MICU1: variants seen among roughly 807,000 people sequenced by gnomAD.
The protein encoded by MICU1 is calcium uptake protein 1, mitochondrial.
Under a neutral mutation model 56.8 loss-of-function variants are expected in MICU1, and 45 were observed. The observed-to-expected ratio is 0.79, with a 90% confidence interval of 0.62 to 1.02. The LOEUF (loss-of-function observed/expected upper bound fraction) is 1.02, where lower values mean the gene tolerates loss of function less well. MICU1 is among the 50% of genes least tolerant of loss of function. MICU1 has a pLI of 0.00. For missense variants in MICU1, 504 were observed against 587.1 expected, an observed-to-expected ratio of 0.86 and a Z score of 1.46; for synonymous variants, 186 against 195.1, an observed-to-expected ratio of 0.95 and a Z score of 0.39.
chr10:72,546,042 G>A (rs1477116271), intron 4 of MICU1, among the ~76,000 whole-genome samples: 1 of 152,162 alleles, frequency 6.6e-6, no homozygotes, highest in Admixed American at 6.6e-5. Context: ...AACATGGCCT[G>A]AACCAGTTTC....
chr10:72,613,376 T>C (rs1277763147), intron 1 of MICU1, among the ~76,000 whole-genome samples: 2 of 151,340 alleles, frequency 1.3e-5, no homozygotes, highest in African/African-American at 2.4e-5. Context: ...TAGGTTTAAG[T>C]AGTCCTCCTG....
intron 10 of MICU1, among the ~76,000 whole-genome samples, chr10:72,401,175 T>C (rs977244660): frequency 6.6e-6 from 1 of 152,168 alleles, no homozygotes; most frequent in African/African-American, 2.4e-5. Context: ...ATAAAAGGCA[T>C]TGAGATGAGA....
intron 10 of MICU1, among the ~76,000 whole-genome samples, chr10:72,383,122 T>G (rs968839500): frequency 2.0e-5 from 3 of 151,984 alleles, no homozygotes; most frequent in Non-Finnish European, 2.9e-5. Flanking sequence ...GGTGCGCTCC[T>G]GCAGTCCTAG....
chr10:72,582,021 G>A (rs962430561), intron 1 of MICU1, among the ~76,000 whole-genome samples: 4 of 152,006 alleles, frequency 2.6e-5, no homozygotes, highest in African/African-American at 7.2e-5. Flanking sequence ...CCTCTGCCTC[G>A]CAGGTTCAAG....
chr10:72,405,191 G>A (rs867866058), intron 10 of MICU1, among the ~76,000 whole-genome samples: 1 of 152,066 alleles, frequency 6.6e-6, no homozygotes, highest in African/African-American at 2.4e-5. Flanking sequence ...TTACAGGCAT[G>A]AGCCACCATG....
intron 8 of MICU1, among the ~76,000 whole-genome samples, chr10:72,432,778 C>T (rs1244940067): frequency 6.6e-6 from 1 of 152,222 alleles, no homozygotes; most frequent in Non-Finnish European, 1.5e-5. Context: ...AACACCTCCA[C>T]TAGGCACAGC....
intron 8 of MICU1, among the ~76,000 whole-genome samples, chr10:72,471,851 T>C (rs1421491057): frequency 6.6e-6 from 1 of 152,140 alleles, no homozygotes. Flanking sequence ...TGAGGTCTAC[T>C]TCTTTCTTCT....
chr10:72,589,016 G>A (rs912731245), intron 1 of MICU1, among the ~76,000 whole-genome samples: 1 of 152,144 alleles, frequency 6.6e-6, no homozygotes, highest in East Asian at 1.9e-4. Flanking sequence ...GGCTGGGCAC[G>A]GTGACTCACG....
intron 8 of MICU1, among the ~76,000 whole-genome samples, chr10:72,440,920 G>A (rs1377120914): frequency 6.6e-6 from 1 of 152,134 alleles, no homozygotes; most frequent in Non-Finnish European, 1.5e-5. Context: ...GAGAGGATGT[G>A]GAGAAATAGG....
At chr10:72,517,369 G>A (rs1279570610) in intron 5 of MICU1, among the ~76,000 whole-genome samples, 1 of 152,142 alleles carries the variant, frequency 6.6e-6, no homozygotes, top group Non-Finnish European at 1.5e-5. Flanking sequence ...CGTGGAACCA[G>A]CCCAAATGCC....
rs575543863 is a variant in MICU1 at position 72,397,913 on chromosome 10, C to G, written c.1180+10016G>C. Among the ~76,000 whole-genome samples the G allele has an allele frequency of 9.2e-5, 14 of 152,330 alleles. No individual in the cohort carries two copies. In the East Asian group the frequency reaches 2.7e-3, roughly 29 times the overall value. Reference sequence around the variant, plus strand: ...AACAAGGATATCCAGGACCTGAACTCAGCTCTGCACCAAGTGGACCTAATA... The same window carrying G: ...AACAAGGATATCCAGGACCTGAACTGAGCTCTGCACCAAGTGGACCTAATA... On this transcript the variant is annotated intron_variant, in intron 10 of 11. Coordinates refer to ENST00000361114, the MANE Select transcript of MICU1 (RefSeq NM_001195518.2).
At chr10:72,461,711 A>G (rs1342194751) in intron 8 of MICU1, among the ~76,000 whole-genome samples, 1 of 152,208 alleles carries the variant, frequency 6.6e-6, no homozygotes, top group Non-Finnish European at 1.5e-5. Flanking sequence ...GCACTTTGGG[A>G]GGCCAAGGCA....
At chr10:72,475,979 C>T (rs1174142340) in intron 7 of MICU1, 1 of 439,470 alleles carries the variant, frequency 2.3e-6, no homozygotes, top group African/African-American at 2.0e-5. Flanking sequence ...ATAATCCCAG[C>T]ACTTTGGGAA....
chr10:72,510,181 T>A (rs1429560768), intron 5 of MICU1, among the ~76,000 whole-genome samples: 1 of 152,156 alleles, frequency 6.6e-6, no homozygotes, highest in Admixed American at 6.6e-5. Context: ...CTAACATTAT[T>A]TTTCTAACAA....
chr10:72,407,894 ATACCTTC>A, intron 10 of MICU1, 28 bp downstream of exon 10: 1 of 1,438,972 alleles, frequency 6.9e-7, no homozygotes, highest in South Asian at 1.2e-5. Flanking sequence ...TCCAATGTTC[ATACCTTC>A]AAAAAAACAC....
At chr10:72,395,735 T>C (rs1863233921) in intron 10 of MICU1, among the ~76,000 whole-genome samples, 1 of 152,206 alleles carries the variant, frequency 6.6e-6, no homozygotes, top group Non-Finnish European at 1.5e-5. Flanking sequence ...GGGAGGGGCA[T>C]CTGCCATTGC....
intron 6 of MICU1, chr10:72,502,851 C>T: frequency 6.0e-6 from 1 of 165,828 alleles, no homozygotes; most frequent in Non-Finnish European, 1.3e-5. Flanking sequence ...GTAGACAATG[C>T]AGTGTGCAAA....
intron 9 of MICU1, among the ~76,000 whole-genome samples, chr10:72,416,653 G>A (rs1374633070): frequency 1.3e-5 from 2 of 152,172 alleles, no homozygotes; most frequent in Non-Finnish European, 2.9e-5. Context: ...ATAGGGCTAC[G>A]ACAGGAAACA....
At chr10:72,474,178 C>T (rs149708352) in intron 8 of MICU1, among the ~76,000 whole-genome samples, 20 of 141,720 alleles carry the variant, frequency 1.4e-4, no homozygotes, top group African/African-American at 5.3e-4. Context: ...ATCGCTTGAA[C>T]CTGGGAGGTG....
Sources: allele counts gnomAD v4.1 joint callset (sites outside exome capture counted in the v4.1 genomes callset), GRCh38; gene constraint gnomAD v4.1.1; transcripts MANE v1.5; gene names NCBI Gene and HGNC (gene_info 2026-07-23, HGNC 2026-07-21).